Variants in PSKH1 observed in about 807,000 individuals in gnomAD.
The protein encoded by PSKH1 is serine/threonine-protein kinase H1.
Under a neutral mutation model 26.7 loss-of-function variants are expected in PSKH1, and 12 were observed. The observed-to-expected ratio is 0.45, with a 90% CI of 0.29 to 0.73. PSKH1 has a LOEUF of 0.73. PSKH1 is among the 30% of genes least tolerant of loss of function. The pLI, the probability that PSKH1 is intolerant of heterozygous loss-of-function variation, is 0.11. For synonymous variants in PSKH1, 213 were observed against 234.3 expected (o/e 0.91, Z 0.83); for missense variants, 431 against 595.2 (o/e 0.72, Z 2.87).
At chr16:67,899,814 A>T (rs997169644) in intron 1 of PSKH1, among the ~76,000 whole-genome samples, 1 of 150,596 alleles carries the variant, frequency 6.6e-6, no homozygotes, top group African/African-American at 2.5e-5. Context: ...CACTTGGCTA[A>T]TTTTTTTGTA....
chr16:67,897,736 G>C (rs1364660211), intron 1 of PSKH1, among the ~76,000 whole-genome samples: 1 of 152,208 alleles, frequency 6.6e-6, no homozygotes, highest in Non-Finnish European at 1.5e-5. Flanking sequence ...GCCCAGGCTG[G>C]AGTGCAGTGG....
rs551360987 is a variant in PSKH1, at chr16:67,926,196, G to A, written c.958-1129G>A. On this transcript the variant is annotated intron_variant, in intron 2 of 2. Coordinates refer to ENST00000291041, the MANE Select transcript of PSKH1 (RefSeq NM_006742.3). ...TATCCTTGGGGGAGCCTCAGAGCCCGTGCCAGAAGTGTTCCTAGGAGATGC... is the reference window on the plus strand; with the variant it reads ...TATCCTTGGGGGAGCCTCAGAGCCCATGCCAGAAGTGTTCCTAGGAGATGC... Among the ~76,000 whole-genome samples, 6 of 152,192 alleles carry A rather than the reference G, an allele frequency of 3.9e-5. No individual in the cohort carries two copies. In the South Asian group the frequency reaches 6.2e-4, roughly 16 times the overall value.
intron 2 of PSKH1, among the ~76,000 whole-genome samples, chr16:67,915,241 G>T (rs974193764): frequency 2.0e-5 from 3 of 147,584 alleles, no homozygotes; most frequent in Non-Finnish European, 4.5e-5. Context: ...GTGTGTGTGT[G>T]TTGGAGAGGC....
chr16:67,909,786 G>T lies in PSKH1; in HGVS notation c.957+80G>T. ...TATATCCTGCAGCTCTCAGTCAGAG[G>T]TATGTCCTCAGGGCCATGCTCGTGA... On this transcript the variant is annotated intron_variant, in intron 2 of 2. Transcript: ENST00000291041. The surrounding 1 kb of genome is among the most constrained non-coding windows in gnomAD (Gnocchi z 7.8). 2.2e-6 allele frequency: 3 copies of T among 1,338,970 alleles called. No homozygotes were observed. Among genetic ancestry groups the T allele is most frequent in the Non-Finnish European group, 3.1e-6 (3 of 967,002 alleles). 82.9% of individuals were successfully genotyped at this position (1,338,970 alleles called of 1,614,324 possible).
At chr16:67,905,872 A>G (rs2058154591) in intron 1 of PSKH1, among the ~76,000 whole-genome samples, 1 of 151,904 alleles carries the variant, frequency 6.6e-6, no homozygotes, top group Non-Finnish European at 1.5e-5. Context: ...GAAAAACAAA[A>G]TTATTTGTTT....
chr16:67,919,818 C>G lies in PSKH1; in HGVS notation c.958-7507C>G, dbSNP rs1264950225. Among the ~76,000 whole-genome samples, 4 of 152,360 alleles carry G rather than the reference C, an allele frequency of 2.6e-5. No individual in the cohort carries two copies. The East Asian group carries it at 7.7e-4, about 29-fold the overall frequency. On this transcript the variant is annotated intron_variant, in intron 2 of 2. Transcript: ENST00000291041. The stretch of plus-strand genomic sequence containing the variant: ...GAGTGGAGAAGAGCAGCAGCCCCAT[C>G]TTGTGTCACCTCTGTGCCACCACTG...
intron 2 of PSKH1, among the ~76,000 whole-genome samples, chr16:67,919,986 C>T (rs1237387880): frequency 6.6e-6 from 1 of 152,236 alleles, no homozygotes; most frequent in Non-Finnish European, 1.5e-5. Context: ...CTGCTGACCA[C>T]CCATAGCATC....
At chr16:67,920,720 C>G (rs1193836654) in intron 2 of PSKH1, among the ~76,000 whole-genome samples, 1 of 152,228 alleles carries the variant, frequency 6.6e-6, no homozygotes, top group Admixed American at 6.5e-5. Context: ...AGTCAGTCCT[C>G]CCATCACACA....
chr16:67,901,634 A>ATTT (rs60510650), intron 1 of PSKH1, among the ~76,000 whole-genome samples: 1 of 126,490 alleles, frequency 7.9e-6, no homozygotes, highest in African/African-American at 2.7e-5. Flanking sequence ...TGCCCAGCCT[A>ATTT]TTTTTTTTTT....
At chr16:67,907,250 A>C (rs1483758329) in intron 1 of PSKH1, among the ~76,000 whole-genome samples, 2 of 148,118 alleles carry the variant, frequency 1.4e-5, no homozygotes, top group Non-Finnish European at 1.5e-5. Context: ...GACCTGAGCC[A>C]CCGCGCCTGG....
intron 1 of PSKH1, among the ~76,000 whole-genome samples, chr16:67,906,782 T>C (rs7196536): frequency 0.014 from 2,152 of 152,242 alleles, 40 homozygotes; most frequent in African/African-American, 0.047. Context: ...ACTTCAGCAC[T>C]GCACCTTGTC....
intron 1 of PSKH1, among the ~76,000 whole-genome samples, chr16:67,898,199 A>G (rs2151309951): frequency 6.6e-6 from 1 of 152,200 alleles, no homozygotes; most frequent in Non-Finnish European, 1.5e-5. Context: ...CAAGACAGGC[A>G]GATCACTTGG....
chr16:67,922,505 C>T (rs980003600), intron 2 of PSKH1, among the ~76,000 whole-genome samples: 43 of 152,160 alleles, frequency 2.8e-4, no homozygotes, highest in Admixed American at 2.8e-3. Flanking sequence ...CTCTGTCAGC[C>T]AGCCTGCCCC....
At chr16:67,908,272 TTTTG>T (rs929598423) in intron 1 of PSKH1, among the ~76,000 whole-genome samples, 39 of 152,070 alleles carry the variant, frequency 2.6e-4, no homozygotes, top group African/African-American at 3.1e-4. Context: ...GACTTCAGTT[TTTTG>T]TTTGTTTGTT....
intron 2 of PSKH1, among the ~76,000 whole-genome samples, chr16:67,914,700 C>A (rs934772788): frequency 6.6e-6 from 1 of 151,584 alleles, no homozygotes; most frequent in Non-Finnish European, 1.5e-5. Flanking sequence ...GTGATCTGCC[C>A]GCCTCAGCTT....
intron 1 of PSKH1, among the ~76,000 whole-genome samples, chr16:67,908,147 G>A (rs1177243203): frequency 6.6e-6 from 1 of 152,186 alleles, no homozygotes; most frequent in Non-Finnish European, 1.5e-5. Flanking sequence ...TGAGGCCCAG[G>A]GAGATGAGTC....
chr16:67,911,520 T>C (rs932980671), intron 2 of PSKH1, among the ~76,000 whole-genome samples: 6 of 152,144 alleles, frequency 3.9e-5, no homozygotes, highest in African/African-American at 1.4e-4. Context: ...TCCTCTTTAC[T>C]AAAAACACAA....
chr16:67,898,014 A>AT (rs990411659), intron 1 of PSKH1, among the ~76,000 whole-genome samples: 7 of 151,752 alleles, frequency 4.6e-5, no homozygotes, highest in Admixed American at 2.0e-4. Context: ...CGCCCGGCTA[A>AT]TTTTTTTTGT....
intron 2 of PSKH1, among the ~76,000 whole-genome samples, chr16:67,912,133 G>A (rs907788991): frequency 6.6e-6 from 1 of 152,184 alleles, no homozygotes; most frequent in Non-Finnish European, 1.5e-5. Flanking sequence ...GGACAGGTGG[G>A]TTCTGCAGAA....
Sources: allele counts gnomAD v4.1 joint callset (sites outside exome capture counted in the v4.1 genomes callset), GRCh38; gene constraint gnomAD v4.1.1; non-coding constraint Gnocchi (gnomAD v3.1); transcripts MANE v1.5; gene names NCBI Gene and HGNC (gene_info 2026-07-23, HGNC 2026-07-21).